The following MYOM2 variants were observed in gnomAD, a reference collection of about 807,000 sequenced individuals.
MYOM2 encodes the protein myomesin 2, also known as myomesin-2.
MYOM2 carries 254 observed loss-of-function variants against 187.6 expected under a neutral mutation model. That is an observed-to-expected ratio of 1.35 (90% confidence interval 1.22 to 1.50). MYOM2 has a LOEUF of 1.50. Among genes scored for constraint, MYOM2 ranks in the 40% most tolerant of loss-of-function variants. The probability of loss-of-function intolerance (pLI) is 0.00; values close to 1 mark genes in which losing one functional copy is unlikely to be tolerated. For synonymous variants in MYOM2, 981 were observed against 753.8 expected (o/e 1.30, Z -4.94); for missense variants, 2,796 against 1,924.0 (o/e 1.45, Z -8.48).
intron 7 of MYOM2, 29 bp downstream of exon 7, chr8:2,069,395 ACCTC>A: frequency 6.2e-7 from 1 of 1,613,132 alleles, no homozygotes; most frequent in Non-Finnish European, 8.5e-7. Context: ...TTCACGGGGC[ACCTC>A]CCGCCTCCTT....
intron 21 of MYOM2, among the ~76,000 whole-genome samples, chr8:2,103,729 G>A (rs531890433): frequency 6.6e-6 from 1 of 151,436 alleles, no homozygotes; most frequent in South Asian, 2.1e-4. Flanking sequence ...ATATGTGTAT[G>A]TATGGATGGG....
chr8:2,099,133 G>A (rs1018112088), intron 19 of MYOM2, 150 bp downstream of exon 19: 40 of 1,082,276 alleles, frequency 3.7e-5, no homozygotes, highest in Admixed American at 1.1e-4. Flanking sequence ...GCCAGGCGCC[G>A]TGCAGGGCTG....
In MYOM2 at chr8:2,078,870, C is replaced by T. The variant is rs376737112; in HGVS notation, c.1399C>T (p.Arg467Ter). The change falls in exon 12 of 37, where the codon CGA (arginine) becomes TGA (stop). Residue 467 changes from arginine (R) to a stop codon, truncating the protein, a stop_gained. Coordinates refer to ENST00000262113, the MANE Select transcript of MYOM2 (RefSeq NM_003970.4). LOFTEE classifies it high-confidence loss of function. ...GGCAGTGAACAGTGCGGGCATCAGCCGACCCTCCAGGGTCTCTGATGCGGT... is the reference window on the plus strand; with the variant it reads ...GGCAGTGAACAGTGCGGGCATCAGCTGACCCTCCAGGGTCTCTGATGCGGT... ...VRAVNSAGISRPSRVSDAVAA... is the reference protein window; with the variant it reads ...VRAVNSAGIS The T allele has an allele frequency of 2.3e-5, 37 of 1,613,906 alleles. No individual in the cohort carries two copies. The highest frequency in any genetic ancestry group is 1.8e-4 in the Admixed American group (11 of 59,990).
At chr8:2,079,518 A>T in intron 12 of MYOM2, 42 bp from the exon 13 acceptor site, 1 of 1,608,136 alleles carries the variant, frequency 6.2e-7, no homozygotes, top group African/African-American at 1.3e-5. Flanking sequence ...TTTTGGGGAA[A>T]ACTTCGCATG....
chr8:2,073,517 T>G lies in MYOM2; in HGVS notation c.1120+17T>G. The G allele has an allele frequency of 6.3e-7, 1 of 1,586,918 alleles. No homozygotes were observed. Among genetic ancestry groups the G allele is most frequent in the Non-Finnish European group, 8.5e-7 (1 of 1,174,224 alleles). On this transcript the variant is annotated intron_variant, in intron 10 of 36. Coordinates refer to ENST00000262113, the MANE Select transcript of MYOM2 (RefSeq NM_003970.4). The stretch of plus-strand genomic sequence containing the variant: ...TTGTCAGAGGTGCGGGCAGCAGGGT[T>G]CTCAGGGTGCAGACCTTGTGTGTGC...
intron 6 of MYOM2, among the ~76,000 whole-genome samples, chr8:2,062,238 G>C (rs181523121): frequency 6.6e-6 from 1 of 152,328 alleles, no homozygotes; most frequent in Admixed American, 6.5e-5. Flanking sequence ...GGCTTTGCTG[G>C]AGGGAGGCGG....
At chr8:2,068,317 T>A (rs554940871) in intron 6 of MYOM2, among the ~76,000 whole-genome samples, 13 of 89,292 alleles carry the variant, frequency 1.5e-4, no homozygotes, top group East Asian at 1.2e-3. Flanking sequence ...TGCCTGTGTG[T>A]ACCAGGCGGA....
At chr8:2,135,643 A>G (rs995575286) in intron 32 of MYOM2, among the ~76,000 whole-genome samples, 1 of 152,156 alleles carries the variant, frequency 6.6e-6, no homozygotes, top group African/African-American at 2.4e-5. Flanking sequence ...ATTAATGTGA[A>G]CCATTTTAAC....
chr8:2,079,636 A>G lies in MYOM2; in HGVS notation c.1516+23A>G, dbSNP rs377392253. 3 of 1,611,864 alleles carry G rather than the reference A, an allele frequency of 1.9e-6. No homozygotes were observed. In the African/African-American group the frequency reaches 4.0e-5, roughly 22 times the overall value. ...AAGGTAAGTAGCACCTCATCACCCC[A>G]GCTGCTCAGCCCCTGGGGATTTGGA... is the stretch of plus-strand genomic sequence containing the variant. On this transcript the variant is annotated intron_variant, in intron 13 of 36. Transcript: ENST00000262113.
At position 2,068,107 on chromosome 8, in the gene MYOM2, G is replaced by A. The variant is rs190133910; in HGVS notation, c.654-1171G>A. On this transcript the variant is annotated intron_variant, in intron 6 of 36. Coordinates refer to ENST00000262113, the MANE Select transcript of MYOM2 (RefSeq NM_003970.4). ...TTAAAGGATGGAGAGCATCGTGGGC[G>A]CAGCTCTTCAATGCTCGTGTGCGCC... 1.1e-4 allele frequency among the ~76,000 whole-genome samples: 16 copies of A among 152,144 alleles called. No individual in the cohort carries two copies. In the East Asian group the frequency reaches 2.5e-3, roughly 24 times the overall value.
At chr8:2,102,052 A>C (rs1263883267) in intron 20 of MYOM2, 1 of 152,176 alleles carries the variant, frequency 6.6e-6, no homozygotes, top group Non-Finnish European at 1.5e-5. Flanking sequence ...TCCTTCCCTA[A>C]AGCACAGCCA....
At chr8:2,120,680 T>TATATAATATATATATA in intron 28 of MYOM2, among the ~76,000 whole-genome samples, 4 of 48,300 alleles carry the variant, frequency 8.3e-5, no homozygotes, top group Non-Finnish European at 1.2e-4. Context: ...ATATATTATA[T>TATATAATATATATATA]TATATATAAA....
At chr8:2,131,636 T>C (rs1333431043) in intron 32 of MYOM2, among the ~76,000 whole-genome samples, 1 of 101,036 alleles carries the variant, frequency 9.9e-6, no homozygotes, top group African/African-American at 6.1e-5. Flanking sequence ...AAAACAGGCA[T>C]TTCTTTCTTT....
At chr8:2,089,629 C>T (rs533861047) in intron 14 of MYOM2, among the ~76,000 whole-genome samples, 10 of 152,246 alleles carry the variant, frequency 6.6e-5, no homozygotes, top group South Asian at 2.1e-4. Flanking sequence ...AATTGAAATG[C>T]GAACCACTGA....
At chr8:2,071,392 G>T (rs541818315) in intron 8 of MYOM2, among the ~76,000 whole-genome samples, 111 of 152,104 alleles carry the variant, frequency 7.3e-4, no homozygotes, top group African/African-American at 2.5e-3. Flanking sequence ...TTCCTGACAT[G>T]TATGTACTTC....
At chr8:2,086,533 T>TGATCTCCAC (rs1796080828) in intron 14 of MYOM2, among the ~76,000 whole-genome samples, 1 of 150,366 alleles carries the variant, frequency 6.7e-6, no homozygotes, top group Non-Finnish European at 1.5e-5. Context: ...CACACTGTCG[T>TGATCTCCAC]GTTTGCTGTG....
intron 10 of MYOM2, among the ~76,000 whole-genome samples, chr8:2,075,348 C>G (rs1819381572): frequency 6.6e-6 from 1 of 152,154 alleles, no homozygotes; most frequent in South Asian, 2.1e-4. Context: ...CACTCAGCAC[C>G]AGCAACAGGA....
intron 35 of MYOM2, 34 bp from the exon 36 acceptor site, chr8:2,143,367 A>G (rs779925063): frequency 1.9e-6 from 3 of 1,614,012 alleles, no homozygotes; most frequent in Non-Finnish European, 2.5e-6. Flanking sequence ...CGTCCCGCAG[A>G]TGTTTTCCTA....
chr8:2,113,238 T>G (rs777394496), intron 25 of MYOM2, among the ~76,000 whole-genome samples: 9 of 152,262 alleles, frequency 5.9e-5, no homozygotes, highest in Non-Finnish European at 1.3e-4. Context: ...CTTGCATTAC[T>G]GCTGCATTTA....
Sources: allele counts gnomAD v4.1 joint callset (sites outside exome capture counted in the v4.1 genomes callset), GRCh38; gene constraint gnomAD v4.1.1; transcripts MANE v1.5; gene names NCBI Gene and HGNC (gene_info 2026-07-23, HGNC 2026-07-21).